TG: variants seen among roughly 807,000 people sequenced by gnomAD.
The protein encoded by TG is thyroglobulin.
Under a neutral mutation model 324.7 loss-of-function variants are expected in TG, and 270 were observed. The observed-to-expected ratio is 0.83, with a 90% confidence interval of 0.75 to 0.92. The LOEUF is 0.92. Among genes scored for constraint, TG ranks in the 40% least tolerant of loss-of-function variants. The pLI is 0.00. For synonymous variants in TG, 1,401 were observed against 1,327.0 expected, an observed-to-expected ratio of 1.06 and a Z score of -1.21; for missense variants, 3,591 against 3,456.4, an observed-to-expected ratio of 1.04 and a Z score of -0.98.
intron 43 of TG, among the ~76,000 whole-genome samples, chr8:133,109,992 C>T (rs552969060): frequency 1.3e-5 from 2 of 152,252 alleles, no homozygotes; most frequent in African/African-American, 4.8e-5. Context: ...GCCACTCTCT[C>T]AAGTTTGTAC....
rs201893722 is a variant in TG at position 132,888,446 on chromosome 8, C to T, written c.2639C>T (p.Pro880Leu). The change falls in exon 10 of 48, where the codon CCG becomes CTG. Residue 880 changes from proline to leucine, a missense_variant. Transcript: ENST00000220616. ...QILNGQLSQY[P>L]GSYSDFSTPL... ...TTAAATGGCCAACTCAGCCAATACCCGGGGTCCTACTCAGACTTCAGCACT... is the reference window on the plus strand; with the variant it reads ...TTAAATGGCCAACTCAGCCAATACCTGGGGTCCTACTCAGACTTCAGCACT... The T allele has an allele frequency of 1.6e-5, 25 of 1,612,116 alleles. No homozygotes were observed. The highest frequency in any genetic ancestry group is 6.7e-5 in the African/African-American group (5 of 74,848).
chr8:132,999,446 ACTC>A (rs1278521465), intron 35 of TG, among the ~76,000 whole-genome samples: 1 of 152,022 alleles, frequency 6.6e-6, no homozygotes, highest in African/African-American at 2.4e-5. Context: ...CATCCCTTAT[ACTC>A]CTCCTTATTC....
intron 5 of TG, among the ~76,000 whole-genome samples, chr8:132,875,333 G>A (rs941983092): frequency 6.6e-6 from 1 of 152,166 alleles, no homozygotes; most frequent in Admixed American, 6.5e-5. Flanking sequence ...AAGATCACCT[G>A]AGTGCTTACT....
At position 133,103,417 on chromosome 8, in the gene TG, C is replaced by T. The variant is rs28384408; in HGVS notation, c.7572+7044C>T. On this transcript the variant is annotated intron_variant, in intron 43 of 47. Coordinates refer to ENST00000220616, the MANE Select transcript of TG (RefSeq NM_003235.5). Reference sequence around the variant, plus strand: ...TTACCCCTCACAGCTGACGCTTACACGTCACGTTGTCTAATTCTCCCCAGG... The same window carrying T: ...TTACCCCTCACAGCTGACGCTTACATGTCACGTTGTCTAATTCTCCCCAGG... Among the ~76,000 whole-genome samples, 201 of 152,294 alleles carry T rather than the reference C, an allele frequency of 1.3e-3. 3 individuals carry two copies. In the East Asian group the frequency reaches 0.017, roughly 13 times the overall value.
chr8:132,984,294 C>T (rs1452710003), intron 35 of TG, among the ~76,000 whole-genome samples: 1 of 152,188 alleles, frequency 6.6e-6, no homozygotes, highest in Non-Finnish European at 1.5e-5. Flanking sequence ...AGGGCTGTGG[C>T]TAAAAGTATA....
chr8:132,983,158 G>A lies in TG; in HGVS notation c.6200-192G>A, dbSNP rs147646689. Among the ~76,000 whole-genome samples, 49 of 152,168 alleles carry A rather than the reference G, an allele frequency of 3.2e-4. No homozygotes were observed. In the Middle Eastern group the frequency reaches 0.01, roughly 32 times the overall value. Reference sequence around the variant, plus strand: ...GGAGAGGGATCCTGAACTGTTCTAAGCCACTTATATGTTGAGATTGTTTGT... The same window carrying A: ...GGAGAGGGATCCTGAACTGTTCTAAACCACTTATATGTTGAGATTGTTTGT... On this transcript the variant is annotated intron_variant, in intron 34 of 47. Transcript: ENST00000220616.
intron 43 of TG, among the ~76,000 whole-genome samples, chr8:133,099,045 GA>G (rs1848855727): frequency 6.6e-6 from 1 of 152,194 alleles, no homozygotes; most frequent in South Asian, 2.1e-4. Context: ...GGTTTTTAAG[GA>G]AAGCTTACTT....
rs550371341 is a variant in TG at position 133,067,124 on chromosome 8, T to C, written c.7240-27920T>C. On this transcript the variant is annotated intron_variant, in intron 41 of 47. Transcript: ENST00000220616. ...GCTGGCACAGGGGCTTAGCATCCGG[T>C]GGTCTCCCTGGCAGGATTTCCGGGG... Among the ~76,000 whole-genome samples the C allele has an allele frequency of 1.6e-3, 251 of 152,284 alleles. 1 individual carries two copies. Among genetic ancestry groups the C allele is most frequent in the Middle Eastern group, 6.8e-3 (2 of 294 alleles).
rs1056511206 is a variant in TG, at chr8:132,953,667, C to A, written c.5401+4724C>A. Reference sequence around the variant, plus strand: ...ATTTTTATCTAATTTGGAGACACAGCACCTTTTGCTGTGAGGTTTCTCTTT... The same window carrying A: ...ATTTTTATCTAATTTGGAGACACAGAACCTTTTGCTGTGAGGTTTCTCTTT... On this transcript the variant is annotated intron_variant, in intron 27 of 47. Coordinates refer to ENST00000220616, the MANE Select transcript of TG (RefSeq NM_003235.5). Among the ~76,000 whole-genome samples, 5 of 152,186 alleles carry A rather than the reference C, an allele frequency of 3.3e-5. No homozygotes were observed. In the East Asian group the frequency reaches 9.6e-4, roughly 29 times the overall value.
At chr8:133,050,309 C>T (rs1840163044) in intron 41 of TG, 1 of 387,446 alleles carries the variant, frequency 2.6e-6, no homozygotes, top group Non-Finnish European at 4.8e-6. Flanking sequence ...TTGATTTATG[C>T]TCTGCAGTAT....
chr8:132,990,160 A>T lies in TG; in HGVS notation c.6262+6748A>T, dbSNP rs1190728777. Reference sequence around the variant, plus strand: ...CCAGTTAAAGCTGAGCTATACAATTATATATATATATATATATATATAATA... The same window carrying T: ...CCAGTTAAAGCTGAGCTATACAATTTTATATATATATATATATATATAATA... On this transcript the variant is annotated intron_variant, in intron 35 of 47. Coordinates refer to ENST00000220616, the MANE Select transcript of TG (RefSeq NM_003235.5). Among the ~76,000 whole-genome samples the T allele has an allele frequency of 8.2e-5, 4 of 48,658 alleles. No individual in the cohort carries two copies. The East Asian group carries it at 1.1e-3, about 14-fold the overall frequency. 31.9% of individuals were successfully genotyped at this position (48,658 alleles called of 152,430 possible).
intron 41 of TG, chr8:133,040,304 C>G (rs535624708): frequency 1.5e-6 from 1 of 671,338 alleles, no homozygotes; most frequent in African/African-American, 1.8e-5. Flanking sequence ...ACGCGCCCAG[C>G]TGTTTGAGAA....
intron 41 of TG, among the ~76,000 whole-genome samples, chr8:133,053,214 G>A (rs1467811040): frequency 6.6e-6 from 1 of 152,102 alleles, no homozygotes; most frequent in East Asian, 1.9e-4. Flanking sequence ...TCTTCCTCTT[G>A]GCCCCTAAGA....
intron 40 of TG, among the ~76,000 whole-genome samples, chr8:133,024,378 CTTTCTTTCTTTCTTTT>C (rs1564084417): frequency 2.5e-5 from 2 of 80,712 alleles, no homozygotes; most frequent in African/African-American, 9.4e-5. Context: ...TTCTTTCTTT[CTTTCTTTCTTTCTTTT>C]TCTTTTTTTA....
At chr8:132,946,485 G>A (rs1490656324) in intron 26 of TG, among the ~76,000 whole-genome samples, 1 of 152,206 alleles carries the variant, frequency 6.6e-6, no homozygotes, top group Non-Finnish European at 1.5e-5. Flanking sequence ...CAAATCTGGA[G>A]TTTTAACTTA....
intron 41 of TG, chr8:133,087,734 G>A (rs1436077958): frequency 1.3e-5 from 2 of 152,160 alleles, no homozygotes; most frequent in South Asian, 2.1e-4. Context: ...TTGTTAGAAG[G>A]CTCTGTGGAT....
intron 34 of TG, among the ~76,000 whole-genome samples, chr8:132,978,794 C>T (rs1313039947): frequency 6.6e-6 from 1 of 152,124 alleles, no homozygotes; most frequent in African/African-American, 2.4e-5. Context: ...GAGGCAGAGA[C>T]CTGCACACAT....
chr8:132,890,594 G>A (rs1587267056), intron 10 of TG, among the ~76,000 whole-genome samples: 1 of 152,178 alleles, frequency 6.6e-6, no homozygotes, highest in East Asian at 1.9e-4. Flanking sequence ...TTGTACCATG[G>A]TTCTACCATC....
At chr8:133,103,259 C>T (rs1041430017) in intron 43 of TG, among the ~76,000 whole-genome samples, 25 of 152,228 alleles carry the variant, frequency 1.6e-4, no homozygotes, top group African/African-American at 5.8e-4. Flanking sequence ...GTGAGAGCCA[C>T]CCTGTCTGTC....
Sources: gnomAD v4.1 joint callset for allele counts (sites outside exome capture counted in the v4.1 genomes callset) on GRCh38, gnomAD v4.1.1 for gene constraint, MANE v1.5 for transcripts, NCBI Gene and HGNC (gene_info 2026-07-23, HGNC 2026-07-21) for gene names.